Variants in PCDHGB6 observed in about 807,000 individuals in gnomAD.
PCDHGB6 encodes protocadherin gamma-B6.
PCDHGB6 carries 51 observed loss-of-function variants against 59.1 expected under a neutral mutation model. The observed-to-expected ratio is 0.86, with a 90% CI of 0.69 to 1.09. The LOEUF is 1.09. Ranked by LOEUF, PCDHGB6 falls within the 50% of genes least tolerant of loss-of-function variation. PCDHGB6 has a pLI of 0.00. For synonymous variants in PCDHGB6, 466 were observed against 495.1 expected, an observed-to-expected ratio of 0.94 and a Z score of 0.78; for missense variants, 1,148 against 1,205.1, an observed-to-expected ratio of 0.95 and a Z score of 0.70.
At chr5:141,441,638 G>A (rs1456506194) in intron 1 of PCDHGB6, 2 of 226,008 alleles carry the variant, frequency 8.8e-6, no homozygotes, top group Non-Finnish European at 1.8e-5. Flanking sequence ...AGCCACAGGC[G>A]CTGTGATTCT....
chr5:141,502,866 C>CTT (rs549047197), intron 2 of PCDHGB6, among the ~76,000 whole-genome samples: 3 of 128,046 alleles, frequency 2.3e-5, no homozygotes, highest in Non-Finnish European at 3.2e-5. Flanking sequence ...GACTCTCTGT[C>CTT]TTTTTTTTTT....
At chr5:141,434,070 T>C (rs1004240895) in intron 1 of PCDHGB6, among the ~76,000 whole-genome samples, 3 of 152,226 alleles carry the variant, frequency 2.0e-5, no homozygotes, top group Non-Finnish European at 2.9e-5. Context: ...TCTGTTAATA[T>C]CAATTATTTA....
intron 1 of PCDHGB6, chr5:141,423,380 G>A: frequency 6.2e-7 from 1 of 1,614,178 alleles, no homozygotes; most frequent in Non-Finnish European, 8.5e-7. Context: ...CTCAGGCTGT[G>A]GCGCTGGCAT....
chr5:141,419,872 A>G (rs1354880437), intron 1 of PCDHGB6: 1 of 1,614,094 alleles, frequency 6.2e-7, no homozygotes, highest in Admixed American at 1.7e-5. Flanking sequence ...TGCAAGAGGT[A>G]CTGCCGGATT....
intron 2 of PCDHGB6, among the ~76,000 whole-genome samples, chr5:141,498,815 C>T (rs1595543994): frequency 6.6e-6 from 1 of 152,032 alleles, no homozygotes. Flanking sequence ...CACCTGTAGT[C>T]CCAGCTACTC....
Position 141,431,075 on chromosome 5 carries a change from C to G in PCDHGB6, c.2418+20455C>G. ...GGGGGCCATCAAGTGTCAATTAAAT[C>G]TAGACATTCTGATGGAGGATAAAGT... is the stretch of plus-strand genomic sequence containing the variant. On this transcript the variant is annotated intron_variant, in intron 1 of 3. Coordinates refer to ENST00000520790, the MANE Select transcript of PCDHGB6 (RefSeq NM_018926.3). The surrounding 1 kb of genome is among the most constrained non-coding windows in gnomAD (Gnocchi z 4.8). 1 of 1,614,156 alleles carries G rather than the reference C, an allele frequency of 6.2e-7. No homozygotes were observed. Among genetic ancestry groups the G allele is most frequent in the Non-Finnish European group, 8.5e-7 (1 of 1,179,984 alleles).
At chr5:141,415,458 C>T in intron 1 of PCDHGB6, 5 of 1,614,204 alleles carry the variant, frequency 3.1e-6, no homozygotes, top group Non-Finnish European at 4.2e-6. Flanking sequence ...CCCACGAGGT[C>T]TCTCTCACCG....
chr5:141,409,471 A>G lies in PCDHGB6; in HGVS notation c.1269A>G (p.Val423=), dbSNP rs2095271616. The change falls in exon 1 of 4, where the codon GTA becomes GTG. Residue 423 remains valine (V), a synonymous_variant. Coordinates refer to ENST00000520790, the MANE Select transcript of PCDHGB6 (RefSeq NM_018926.3). ...CACCAGAATACAATGTCACCATCGT[A>G]GCCACTGACAGGGGCAAGCCGCCTC... is the stretch of plus-strand genomic sequence containing the variant. ...EQTPEYNVTI[V]ATDRGKPPLS... 2 of 1,613,860 alleles carry G rather than the reference A, an allele frequency of 1.2e-6. No homozygotes were observed. Among genetic ancestry groups the G allele is most frequent in the Non-Finnish European group, 1.7e-6 (2 of 1,179,904 alleles).
At chr5:141,410,893 G>A (rs1302061377) in intron 1 of PCDHGB6, 5 of 276,602 alleles carry the variant, frequency 1.8e-5, no homozygotes, top group South Asian at 4.6e-5. Context: ...TCGCACTGTT[G>A]CCTAGGCTGG....
At chr5:141,483,700 T>C (rs1003495517) in intron 1 of PCDHGB6, among the ~76,000 whole-genome samples, 4 of 152,090 alleles carry the variant, frequency 2.6e-5, no homozygotes, top group Admixed American at 2.6e-4. Context: ...ATTCCTCTTT[T>C]TGACACCAGA....
chr5:141,497,122 G>A (rs1407489807), intron 2 of PCDHGB6, among the ~76,000 whole-genome samples: 1 of 151,992 alleles, frequency 6.6e-6, no homozygotes, highest in East Asian at 1.9e-4. Flanking sequence ...GAAGGCAGAG[G>A]TTGCAGTGAG....
intron 1 of PCDHGB6, among the ~76,000 whole-genome samples, chr5:141,451,395 A>G (rs2098715118): frequency 6.6e-6 from 1 of 152,184 alleles, no homozygotes; most frequent in Admixed American, 6.6e-5. Context: ...AGTTAATGGC[A>G]AAATTAAGTT....
chr5:141,452,701 G>A (rs2098747163), intron 1 of PCDHGB6, among the ~76,000 whole-genome samples: 1 of 151,838 alleles, frequency 6.6e-6, no homozygotes, highest in Non-Finnish European at 1.5e-5. Context: ...TGTCAAGAAA[G>A]AAAGGAAGGA....
chr5:141,510,251 C>G (rs569804850), intron 3 of PCDHGB6, among the ~76,000 whole-genome samples: 1 of 144,724 alleles, frequency 6.9e-6, no homozygotes, highest in African/African-American at 2.6e-5. Flanking sequence ...CCAGGCTGGG[C>G]GACAGAGCAG....
In PCDHGB6 at chr5:141,477,650, A is replaced by G. The variant is rs199931735; in HGVS notation, c.2419-17157A>G. ...CGGGCTAGTGGGTCGCTATTTCACA[A>G]TAAATCGTGACAATGGCATAGTGTC... On this transcript the variant is annotated intron_variant, in intron 1 of 3. Transcript: ENST00000520790. This position sits in a 1 kb window ranked among gnomAD's most constrained non-coding sequence, Gnocchi z 4.9. The G allele has an allele frequency of 6.2e-6, 10 of 1,614,212 alleles. No individual in the cohort carries two copies. The highest frequency in any genetic ancestry group is 2.2e-5 in the East Asian group (1 of 44,888).
chr5:141,478,514 G>A, intron 1 of PCDHGB6: 2 of 1,611,534 alleles, frequency 1.2e-6, no homozygotes, highest in Non-Finnish European at 1.7e-6. Context: ...CTATAGGCAG[G>A]TGTTGGGTGC....
At chr5:141,430,846 C>A in intron 1 of PCDHGB6, 1 of 1,576,344 alleles carries the variant, frequency 6.3e-7, no homozygotes, top group South Asian at 1.2e-5. Context: ...CCGGATGCAC[C>A]CAGATACGCT....
intron 1 of PCDHGB6, among the ~76,000 whole-genome samples, chr5:141,453,673 AC>A (rs1459216908): frequency 6.6e-6 from 1 of 152,230 alleles, no homozygotes; most frequent in African/African-American, 2.4e-5. Flanking sequence ...ACAAAAGGTA[AC>A]ACACTATGTA....
At chr5:141,410,762 T>C in intron 1 of PCDHGB6, 142 bp downstream of exon 1, 1 of 1,171,656 alleles carries the variant, frequency 8.5e-7, no homozygotes, top group Non-Finnish European at 1.2e-6. Flanking sequence ...GTTTTTTCAA[T>C]TATAGTTTTC....
Sources: gnomAD v4.1 joint callset for allele counts (sites outside exome capture counted in the v4.1 genomes callset) on GRCh38, gnomAD v4.1.1 for gene constraint, Gnocchi (gnomAD v3.1) non-coding constraint, MANE v1.5 for transcripts, NCBI Gene and HGNC (gene_info 2026-07-23, HGNC 2026-07-21) for gene names.